Variants in PRKD1 observed in about 807,000 individuals in gnomAD.
PRKD1 encodes serine/threonine-protein kinase D1.
A neutral mutation model predicts 95.9 loss-of-function variants in PRKD1; 63 were observed. That is an observed-to-expected ratio of 0.66 (90% CI 0.54 to 0.81). The LOEUF (loss-of-function observed/expected upper bound fraction) is 0.81, where lower values mean the gene tolerates loss of function less well. Among genes scored for constraint, PRKD1 ranks in the 30% least tolerant of loss-of-function variants. The probability of loss-of-function intolerance (pLI) is 0.00; values close to 1 mark genes in which losing one functional copy is unlikely to be tolerated. For synonymous variants in PRKD1, 425 were observed against 423.1 expected (o/e 1.00, Z -0.05); for missense variants, 1,048 against 1,165.3 (o/e 0.90, Z 1.47).
At chr14:29,877,022 T>C (rs2095310) in intron 1 of PRKD1, among the ~76,000 whole-genome samples, 58,888 of 151,952 alleles carry the variant, frequency 0.39, 11,806 homozygotes, top group African/African-American at 0.49. Flanking sequence ...TGTGGTGGTG[T>C]GTGCCTGTAA....
rs554564573 is a variant in PRKD1, at chr14:29,767,187, G to T, written c.265-41513C>A. Among the ~76,000 whole-genome samples the T allele has an allele frequency of 2.6e-5, 4 of 152,166 alleles. No homozygotes were observed. The East Asian group carries it at 7.7e-4, about 29-fold the overall frequency. On this transcript the variant is annotated intron_variant, in intron 1 of 17. Coordinates refer to ENST00000331968, the MANE Select transcript of PRKD1 (RefSeq NM_002742.3). ...CCTGTCCAGATTGTCTGCTCCGCTTGAACAATCTGCCCAGTTTCTGGAGTT... is the reference window on the plus strand; with the variant it reads ...CCTGTCCAGATTGTCTGCTCCGCTTTAACAATCTGCCCAGTTTCTGGAGTT...
At chr14:29,674,584 A>G (rs1316279347) in intron 2 of PRKD1, among the ~76,000 whole-genome samples, 2 of 152,230 alleles carry the variant, frequency 1.3e-5, no homozygotes, top group Non-Finnish European at 2.9e-5. Flanking sequence ...GTCAAATTCT[A>G]GCTAATGAGT....
chr14:29,725,756 A>G, intron 1 of PRKD1, 82 bp from the exon 2 acceptor site: 2 of 1,443,350 alleles, frequency 1.4e-6, no homozygotes, highest in Non-Finnish European at 1.9e-6. Flanking sequence ...GCACAAATAC[A>G]AGCTAATTAG....
chr14:29,844,404 A>AG (rs1278553329), intron 1 of PRKD1, among the ~76,000 whole-genome samples: 3 of 152,250 alleles, frequency 2.0e-5, no homozygotes, highest in Non-Finnish European at 4.4e-5. Context: ...CTATATAGTA[A>AG]GACAAAATAA....
chr14:29,870,314 T>C (rs569999943), intron 1 of PRKD1, among the ~76,000 whole-genome samples: 17 of 152,100 alleles, frequency 1.1e-4, no homozygotes, highest in Non-Finnish European at 2.4e-4. Context: ...ATAAATTGCA[T>C]GATATGCAGT....
chr14:29,599,553 C>T lies in PRKD1; in HGVS notation c.2067+103G>A, dbSNP rs543111872. ...ACAACCTTTTCTAGTGTAGTTTAGA[C>T]TGGAGGTAGGGACTAAACAACAAGG... On this transcript the variant is annotated intron_variant, in intron 14 of 17. Coordinates refer to ENST00000331968, the MANE Select transcript of PRKD1 (RefSeq NM_002742.3). 9.4e-4 allele frequency: 1,028 copies of T among 1,096,522 alleles called. 16 individuals are homozygous for T. The South Asian group carries it at 0.015, about 16-fold the overall frequency. 67.9% of individuals were successfully genotyped at this position (1,096,522 alleles called of 1,614,324 possible).
chr14:29,900,414 G>C (rs1894282169), intron 1 of PRKD1, among the ~76,000 whole-genome samples: 1 of 152,074 alleles, frequency 6.6e-6, no homozygotes, highest in East Asian at 1.9e-4. Context: ...CTTGACAACA[G>C]AGCAGTTTAA....
At chr14:29,832,716 T>C (rs567065843) in intron 1 of PRKD1, among the ~76,000 whole-genome samples, 1 of 152,262 alleles carries the variant, frequency 6.6e-6, no homozygotes, top group Admixed American at 6.5e-5. Flanking sequence ...CTATTTCAAT[T>C]TGAATACTAT....
At position 29,886,484 on chromosome 14, in the gene PRKD1, C is replaced by G. The variant is rs79480935; in HGVS notation, c.264+40765G>C. Among the ~76,000 whole-genome samples the G allele has an allele frequency of 6.2e-3, 937 of 152,256 alleles. 2 individuals carry two copies. Among genetic ancestry groups the G allele is most frequent in the Non-Finnish European group, 9.8e-3 (667 of 68,026 alleles). Reference sequence around the variant, plus strand: ...TCTCCCCCAGCCAAAGGAAACAAAACCATAGTTCTACTAAACTGGTGGCAA... The same window carrying G: ...TCTCCCCCAGCCAAAGGAAACAAAAGCATAGTTCTACTAAACTGGTGGCAA... On this transcript the variant is annotated intron_variant, in intron 1 of 17. Coordinates refer to ENST00000331968, the MANE Select transcript of PRKD1 (RefSeq NM_002742.3).
chr14:29,858,806 C>A lies in PRKD1; in HGVS notation c.264+68443G>T, dbSNP rs151120001. On this transcript the variant is annotated intron_variant, in intron 1 of 17. Coordinates refer to ENST00000331968, the MANE Select transcript of PRKD1 (RefSeq NM_002742.3). ...ACAGAACTGAAAGATATTCTCATTT[C>A]TTTTTCCATAGGAAAAACAAAAACA... Among the ~76,000 whole-genome samples the A allele has an allele frequency of 1.8e-4, 27 of 152,178 alleles. No individual in the cohort carries two copies. In the East Asian group the frequency reaches 5.0e-3, roughly 28 times the overall value.
rs145273280 is a variant in PRKD1 at position 29,633,724 on chromosome 14, C to T, written c.1314+694G>A. On this transcript the variant is annotated intron_variant, in intron 8 of 17. Transcript: ENST00000331968. Reference sequence around the variant, plus strand: ...TACACCATGTCTAAAAAGAACTAGGCGGTATTCAATTGAGTCCTATAATAT... The same window carrying T: ...TACACCATGTCTAAAAAGAACTAGGTGGTATTCAATTGAGTCCTATAATAT... Among the ~76,000 whole-genome samples the T allele has an allele frequency of 2.9e-3, 439 of 152,208 alleles. 1 individual carries two copies. Among genetic ancestry groups the T allele is most frequent in the Non-Finnish European group, 3.6e-3 (245 of 67,996 alleles).
At chr14:29,849,175 C>G (rs1011990399) in intron 1 of PRKD1, among the ~76,000 whole-genome samples, 1 of 152,150 alleles carries the variant, frequency 6.6e-6, no homozygotes, top group African/African-American at 2.4e-5. Flanking sequence ...GTTCTCATGA[C>G]AGAGTCCTCA....
At chr14:29,671,585 A>G (rs2090791306) in intron 2 of PRKD1, among the ~76,000 whole-genome samples, 1 of 137,212 alleles carries the variant, frequency 7.3e-6, no homozygotes, top group Non-Finnish European at 1.6e-5. Context: ...AGAAAAATAG[A>G]CCATCTTTAA....
chr14:29,843,412 G>A (rs189200671), intron 1 of PRKD1, among the ~76,000 whole-genome samples: 1 of 152,124 alleles, frequency 6.6e-6, no homozygotes, highest in Non-Finnish European at 1.5e-5. Context: ...TGGAAGATAA[G>A]TGCAAGGTAT....
At chr14:29,644,377 C>T (rs1205871904) in intron 4 of PRKD1, among the ~76,000 whole-genome samples, 3 of 152,122 alleles carry the variant, frequency 2.0e-5, no homozygotes, top group East Asian at 1.9e-4. Flanking sequence ...TAATGGGTGG[C>T]CCTCAGCATC....
At chr14:29,629,200 T>C (rs1879825368) in intron 10 of PRKD1, 107 bp from the exon 11 acceptor site, 1 of 813,850 alleles carries the variant, frequency 1.2e-6, no homozygotes, top group Non-Finnish European at 2.0e-6. Flanking sequence ...TGGTTTTAAC[T>C]AAATCATAGC....
chr14:29,841,531 C>CG (rs770950738), intron 1 of PRKD1, among the ~76,000 whole-genome samples: 2 of 152,068 alleles, frequency 1.3e-5, no homozygotes, highest in Non-Finnish European at 2.9e-5. Flanking sequence ...GTTTTAAAAA[C>CG]GGAAGTTTCC....
At chr14:29,690,784 C>A (rs1884184506) in intron 2 of PRKD1, among the ~76,000 whole-genome samples, 2 of 152,208 alleles carry the variant, frequency 1.3e-5, no homozygotes, top group South Asian at 4.1e-4. Flanking sequence ...TATGTGCACT[C>A]TCTTGGTTCT....
At chr14:29,842,595 G>T (rs1891899262) in intron 1 of PRKD1, among the ~76,000 whole-genome samples, 1 of 152,066 alleles carries the variant, frequency 6.6e-6, no homozygotes, top group Admixed American at 6.5e-5. Flanking sequence ...TTGTTATTCT[G>T]TTTGCTTTGT....
Sources: gnomAD v4.1 joint callset for allele counts (sites outside exome capture counted in the v4.1 genomes callset) on GRCh38, gnomAD v4.1.1 for gene constraint, MANE v1.5 for transcripts, NCBI Gene and HGNC (gene_info 2026-07-23, HGNC 2026-07-21) for gene names.